NTS: variants seen among roughly 807,000 people sequenced by gnomAD.
The protein encoded by NTS is neurotensin, also known as neurotensin/neuromedin N.
Under a neutral mutation model 19.5 loss-of-function variants are expected in NTS, and 20 were observed. That is an observed-to-expected ratio of 1.02 (90% CI 0.72 to 1.49). The LOEUF (loss-of-function observed/expected upper bound fraction) is 1.49, where lower values mean the gene tolerates loss of function less well. Among genes scored for constraint, NTS ranks in the 40% most tolerant of loss-of-function variants. The probability of loss-of-function intolerance (pLI) is 0.00; values close to 1 mark genes in which losing one functional copy is unlikely to be tolerated. For synonymous variants in NTS, 71 were observed against 63.3 expected (o/e 1.12, Z -0.58); for missense variants, 215 against 193.1 (o/e 1.11, Z -0.67).
At chr12:85,879,280 T>A (rs1344126197) in intron 3 of NTS, among the ~76,000 whole-genome samples, 495 of 6,316 alleles carry the variant, frequency 0.078, 247 homozygotes, top group Middle Eastern at 0.5. Context: ...TTTATGTATA[T>A]ACCATATATT....
chr12:85,878,134 T>C, intron 2 of NTS: 1 of 428,306 alleles, frequency 2.3e-6, no homozygotes, highest in Non-Finnish European at 4.2e-6. Context: ...CATGTATATG[T>C]GAATATAACT....
intron 3 of NTS, among the ~76,000 whole-genome samples, chr12:85,878,825 A>G (rs1386810688): frequency 6.6e-6 from 1 of 152,030 alleles, no homozygotes; most frequent in Non-Finnish European, 1.5e-5. Flanking sequence ...ACATGTTTTT[A>G]TTATGCTTAA....
chr12:85,877,466 T>C (rs534279924), intron 2 of NTS, among the ~76,000 whole-genome samples: 11 of 151,684 alleles, frequency 7.3e-5, no homozygotes, highest in African/African-American at 1.9e-4. Flanking sequence ...TACTCCTCTA[T>C]TGGGGTCTTG....
At chr12:85,879,968 T>A (rs1565771235) in intron 3 of NTS, among the ~76,000 whole-genome samples, 1 of 149,170 alleles carries the variant, frequency 6.7e-6, no homozygotes, top group Non-Finnish European at 1.5e-5. Flanking sequence ...GTTTTTACCA[T>A]CAAAAGTAAT....
chr12:85,874,525 C>T (rs1171077609), intron 1 of NTS, 49 bp downstream of exon 1: 4 of 1,303,114 alleles, frequency 3.1e-6, no homozygotes, highest in Non-Finnish European at 4.5e-6. Context: ...TCTTTTTTCT[C>T]TTTTGCAGTG....
chr12:85,882,605 ACC>A lies in NTS; in HGVS notation c.*231_*232del. On this transcript the variant is annotated 3_prime_UTR_variant, in exon 4 of 4. Transcript: ENST00000256010. ...AATTGGAGTAGATATTAATTAAGTCACCTGTATAATGTTTTGTAATTTTGCAA... is the reference window on the plus strand; with the variant it reads ...AATTGGAGTAGATATTAATTAAGTCATGTATAATGTTTTGTAATTTTGCAA... 2.6e-6 allele frequency: 1 copy of A among 379,952 alleles called. No homozygotes were observed. The highest frequency in any genetic ancestry group is 4.7e-6 in the Non-Finnish European group (1 of 213,776). The allele number at this position is 379,952 out of a possible 1,614,324, so 23.5% of individuals were successfully genotyped here. A position where few individuals can be genotyped will look rare whatever the true frequency, so the allele number is the denominator to read the frequency against.
rs373915400 is a variant in NTS at position 85,878,553 on chromosome 12, C to T, written c.344C>T (p.Ala115Val). Residue 115 changes from alanine to valine, a missense_variant, in exon 3 of 4, where the codon GCT becomes GTT. Transcript: ENST00000256010. ...CTCCACAAAATCTGTCACAGCAGGGCTTTTCAACACTGGGAGGTATAGCAA... is the reference window on the plus strand; with the variant it reads ...CTCCACAAAATCTGTCACAGCAGGGTTTTTCAACACTGGGAGGTATAGCAA... ...YQLHKICHSR[A>V]FQHWELIQED... 60 of 1,608,584 alleles carry T rather than the reference C, an allele frequency of 3.7e-5. No homozygotes were observed. The highest frequency in any genetic ancestry group is 2.9e-4 in the East Asian group (13 of 44,802).
chr12:85,874,881 G>A (rs61930895), intron 1 of NTS, among the ~76,000 whole-genome samples: 11,297 of 152,168 alleles, frequency 0.074, 590 homozygotes, highest in Middle Eastern at 0.21. Context: ...CATTCTCTTA[G>A]GAAGCGGTGG....
rs11117072 is a variant in NTS at position 85,882,569 on chromosome 12, G to A, written c.*194G>A. ...AATAAATCTAAATCTTCAGCATGAT[G>A]TGTTGTGTATAATTGGAGTAGATAT... On this transcript the variant is annotated 3_prime_UTR_variant, in exon 4 of 4. Coordinates refer to ENST00000256010, the MANE Select transcript of NTS (RefSeq NM_006183.5). 0.055 allele frequency: 26,864 copies of A among 491,820 alleles called. 1,654 individuals carry two copies. The highest frequency in any genetic ancestry group is 0.23 in the East Asian group (6,396 of 27,912). 30.5% of individuals were successfully genotyped at this position (491,820 alleles called of 1,614,324 possible).
In NTS at chr12:85,882,707, C is replaced by T. The variant is rs114783453; in HGVS notation, c.*332C>T. 3.5e-3 allele frequency: 588 copies of T among 169,424 alleles called. 4 individuals carry two copies. The highest frequency in any genetic ancestry group is 0.014 in the African/African-American group (571 of 42,088). The allele number at this position is 169,424 out of a possible 1,614,324, so 10.5% of individuals were successfully genotyped here. A position where few individuals can be genotyped will look rare whatever the true frequency, so the allele number is the denominator to read the frequency against. On this transcript the variant is annotated 3_prime_UTR_variant, in exon 4 of 4. Coordinates refer to ENST00000256010, the MANE Select transcript of NTS (RefSeq NM_006183.5). Reference sequence around the variant, plus strand: ...AGCTTATGAGCTCAAAGTACTACAGCAAAGCCTAGCCTGCATATCATTCAC... The same window carrying T: ...AGCTTATGAGCTCAAAGTACTACAGTAAAGCCTAGCCTGCATATCATTCAC...
At chr12:85,874,625 T>C in intron 1 of NTS, 149 bp downstream of exon 1, 1 of 526,508 alleles carries the variant, frequency 1.9e-6, no homozygotes, top group Non-Finnish European at 3.5e-6. Flanking sequence ...GAGTATCTCT[T>C]TCTCTGCCTT....
At position 85,874,496 on chromosome 12, in the gene NTS, A is replaced by T. The variant is rs377188770; in HGVS notation, c.73+20A>T. 11 of 1,555,116 alleles carry T rather than the reference A, an allele frequency of 7.1e-6. No homozygotes were observed. The highest frequency in any genetic ancestry group is 1.4e-5 in the African/African-American group (1 of 73,778). ...GCTCAGGTAAGCAAAACAGAATTTC[A>T]CAACTCCCTGAAGTGATTTCTTTTT... On this transcript the variant is annotated intron_variant, in intron 1 of 3. Transcript: ENST00000256010.
Position 85,882,212 on chromosome 12 carries a change from C to A in NTS, c.361-11C>A. On this transcript the variant is annotated splice_polypyrimidine_tract_variant and intron_variant, in intron 3 of 3. Coordinates refer to ENST00000256010, the MANE Select transcript of NTS (RefSeq NM_006183.5). ...CATGTAAGTTTCACTTATTTTATCTCTATCTTGCAGTTAATCCAGGAAGAT... is the reference window on the plus strand; with the variant it reads ...CATGTAAGTTTCACTTATTTTATCTATATCTTGCAGTTAATCCAGGAAGAT... 6.4e-7 allele frequency: 1 copy of A among 1,571,194 alleles called. No individual in the cohort carries two copies. Among genetic ancestry groups the A allele is most frequent in the South Asian group, 1.2e-5 (1 of 85,442 alleles).
intron 1 of NTS, among the ~76,000 whole-genome samples, chr12:85,876,405 T>C (rs1452312046): frequency 1.3e-5 from 2 of 152,092 alleles, no homozygotes; most frequent in South Asian, 2.1e-4. Context: ...CAGTGATCAA[T>C]AGCTGTCTGA....
intron 2 of NTS, 138 bp downstream of exon 2, chr12:85,876,839 A>T (rs1881356752): frequency 2.3e-6 from 1 of 431,540 alleles, no homozygotes; most frequent in East Asian, 3.5e-5. Flanking sequence ...TTGAAAAAAA[A>T]AATTTCTTTT....
At chr12:85,879,924 A>G (rs1881464858) in intron 3 of NTS, among the ~76,000 whole-genome samples, 1 of 148,084 alleles carries the variant, frequency 6.8e-6, no homozygotes, top group African/African-American at 2.4e-5. Flanking sequence ...AATATAGAAT[A>G]AGGATATATT....
chr12:85,875,329 C>G (rs373216678), intron 1 of NTS, among the ~76,000 whole-genome samples: 1 of 151,934 alleles, frequency 6.6e-6, no homozygotes, highest in Non-Finnish European at 1.5e-5. Context: ...TTACAATGAA[C>G]ACTTCAAAGG....
chr12:85,876,789 C>G, intron 2 of NTS, 88 bp downstream of exon 2: 1 of 672,920 alleles, frequency 1.5e-6, no homozygotes, highest in East Asian at 3.0e-5. Flanking sequence ...GTAATAACTT[C>G]TCATCAAGAT....
chr12:85,878,429 G>A lies in NTS; in HGVS notation c.220G>A (p.Glu74Lys), dbSNP rs267603705. Residue 74 changes from glutamate (E) to lysine (K), a missense_variant, in exon 3 of 4, where the codon GAA becomes AAA. Transcript: ENST00000256010. ...LVNNLNSPAE[E>K]TGEVHEEELV... ...AAATAATTTGAACAGCCCAGCTGAG[G>A]AAACAGGAGAAGTTCATGAAGAGGA... 1.2e-6 allele frequency: 2 copies of A among 1,613,664 alleles called. No homozygotes were observed. The highest frequency in any genetic ancestry group is 8.5e-7 in the Non-Finnish European group (1 of 1,179,856).
Sources: gnomAD v4.1 joint callset for allele counts (sites outside exome capture counted in the v4.1 genomes callset) on GRCh38, gnomAD v4.1.1 for gene constraint, MANE v1.5 for transcripts, NCBI Gene and HGNC (gene_info 2026-07-23, HGNC 2026-07-21) for gene names.